CC2D2B: variants seen among roughly 807,000 people sequenced by gnomAD.
The protein encoded by CC2D2B is coiled-coil and C2 domain containing 2B.
CC2D2B carries 128 observed loss-of-function variants against 161.2 expected under a neutral mutation model. The observed-to-expected ratio is 0.79, with a 90% confidence interval of 0.69 to 0.92. CC2D2B has a LOEUF of 0.92. Among genes scored for constraint, CC2D2B ranks in the 40% least tolerant of loss-of-function variants. CC2D2B has a pLI of 0.00. For synonymous variants in CC2D2B, 391 were observed against 449.8 expected, an observed-to-expected ratio of 0.87 and a Z score of 1.65; for missense variants, 1,173 against 1,375.1, an observed-to-expected ratio of 0.85 and a Z score of 2.32.
At chr10:95,927,454 C>A (rs1233985638) in intron 6 of CC2D2B, 122 bp downstream of exon 6, 1 of 627,676 alleles carries the variant, frequency 1.6e-6, no homozygotes, top group East Asian at 2.8e-5. Flanking sequence ...TTCATCTTCT[C>A]TTTGAATTAA....
intron 7 of CC2D2B, 39 bp downstream of exon 7, chr10:95,938,228 G>A (rs1404774708): frequency 7.6e-6 from 10 of 1,307,654 alleles, no homozygotes; most frequent in African/African-American, 1.5e-5. Flanking sequence ...AGTCATTAAC[G>A]AATTATGTTA....
chr10:95,916,771 A>C (rs2098517133), intron 2 of CC2D2B, among the ~76,000 whole-genome samples: 1 of 152,136 alleles, frequency 6.6e-6, no homozygotes, highest in African/African-American at 2.4e-5. Context: ...ATGATTTCAA[A>C]GTTTTTGAAT....
At chr10:95,995,181 C>A in intron 22 of CC2D2B, 88 bp from the exon 23 acceptor site, 1 of 624,718 alleles carries the variant, frequency 1.6e-6, no homozygotes, top group Non-Finnish European at 2.7e-6. Context: ...TATATATCTT[C>A]ATAAGCACAG....
Position 95,968,853 on chromosome 10 carries a change from A to C in CC2D2B, c.1596A>C (p.Gln532His). The C allele has an allele frequency of 8.1e-7, 1 of 1,229,384 alleles. No homozygotes were observed. 76.2% of individuals were successfully genotyped at this position (1,229,384 alleles called of 1,614,324 possible). The change falls in exon 15 of 35, where the codon CAA (glutamine) becomes CAC (histidine). Residue 532 changes from glutamine (Q) to histidine (H), a missense_variant. Coordinates refer to ENST00000646931, the MANE Select transcript of CC2D2B (RefSeq NM_001349008.3). The part of the protein sequence containing the change: ...LQFDFKVMFQ[Q>H]IFNIQLMYWP... ...TTGATTTTAAAGTCATGTTTCAGCA[A>C]ATTTTCAATATTCAGTTAATGTATT...
At position 96,012,716 on chromosome 10, in the gene CC2D2B, C is replaced by T. The variant is rs1180129617; in HGVS notation, c.3413C>T (p.Ser1138Phe). ...CTTCTGGATATATTTCTTCACAATT[C>T]TAATGCAACATTTGTAAGTTATTAT... ...QQLLDIFLHN[S>F]NATFDLIARF... The change falls in exon 28 of 35, where the codon TCT becomes TTT. Residue 1138 changes from serine (S) to phenylalanine (F), a missense_variant. Physicochemically the swap from Ser to Phe is radical, Grantham distance 155. Around this residue, in one of 3 missense-constraint regions of CC2D2B, gnomAD observed 598 missense variants for 693.2 expected, o/e 0.86. Transcript: ENST00000646931. The T allele has an allele frequency of 6.3e-7, 1 of 1,577,988 alleles. No individual in the cohort carries two copies. The highest frequency in any genetic ancestry group is 8.7e-7 in the Non-Finnish European group (1 of 1,147,692).
At chr10:95,983,494 C>T (rs1315578068) in intron 18 of CC2D2B, 112 bp from the exon 19 acceptor site, 1 of 429,420 alleles carries the variant, frequency 2.3e-6, no homozygotes, top group South Asian at 1.3e-4. Context: ...TCAGTTGTTC[C>T]ATTTCCTACT....
chr10:95,980,459 A>C (rs1045294026), intron 17 of CC2D2B, among the ~76,000 whole-genome samples: 3 of 152,082 alleles, frequency 2.0e-5, no homozygotes, highest in African/African-American at 7.2e-5. Context: ...TAACGGGAAA[A>C]GTTTCTAATC....
intron 15 of CC2D2B, 105 bp downstream of exon 15, chr10:95,969,006 G>T: frequency 2.3e-6 from 1 of 434,966 alleles, no homozygotes; most frequent in Non-Finnish European, 3.8e-6. Context: ...TTGATGTTAA[G>T]AGATGGACTG....
chr10:95,935,978 G>T (rs186734326), intron 6 of CC2D2B, among the ~76,000 whole-genome samples: 1 of 152,084 alleles, frequency 6.6e-6, no homozygotes, highest in Non-Finnish European at 1.5e-5. Context: ...GATTAAATGG[G>T]TATCAAACTT....
chr10:95,988,076 G>A (rs932790204), intron 19 of CC2D2B, among the ~76,000 whole-genome samples, 174 bp from the exon 20 acceptor site: 2 of 152,168 alleles, frequency 1.3e-5, no homozygotes, highest in African/African-American at 4.8e-5. Flanking sequence ...TTAGAAACTG[G>A]TTTTTAGCCT....
chr10:95,927,200 A>G, intron 5 of CC2D2B, 37 bp from the exon 6 acceptor site: 1 of 1,159,480 alleles, frequency 8.6e-7, no homozygotes, highest in South Asian at 1.4e-5. Flanking sequence ...AAGCAGAAAA[A>G]GTGTTTATTT....
intron 32 of CC2D2B, 115 bp from the exon 33 acceptor site, chr10:96,024,738 T>C (rs1364653645): frequency 5.5e-6 from 3 of 545,386 alleles, no homozygotes; most frequent in Non-Finnish European, 1.0e-5. Context: ...GAATTGAGTG[T>C]TTTTGCCACA....
At chr10:95,924,932 T>C (rs1244040737) in intron 5 of CC2D2B, 88 bp downstream of exon 5, 3 of 741,694 alleles carry the variant, frequency 4.0e-6, no homozygotes, top group Non-Finnish European at 6.8e-6. Flanking sequence ...TTAAAGTGTA[T>C]ATGACTCAAT....
Position 95,983,626 on chromosome 10 carries a change from G to A in CC2D2B, c.2103G>A (p.Gln701=). 1 of 1,231,098 alleles carries A rather than the reference G, an allele frequency of 8.1e-7. No individual in the cohort carries two copies. Among genetic ancestry groups the A allele is most frequent in the Non-Finnish European group, 1.0e-6 (1 of 987,120 alleles). 76.3% of individuals were successfully genotyped at this position (1,231,098 alleles called of 1,614,324 possible). Residue 701 remains glutamine (Q), a synonymous_variant, in exon 19 of 35, where the codon CAG becomes CAA. Transcript: ENST00000646931. The part of the protein sequence containing the change: ...ESVTYMRLKG[Q]DIPKYFRLEQ... ...TACAGTACATGAGACTTAAGGGGCAGGATATTCCAAAGTATTTTCGTCTTG... is the reference window on the plus strand; with the variant it reads ...TACAGTACATGAGACTTAAGGGGCAAGATATTCCAAAGTATTTTCGTCTTG...
At chr10:95,956,616 C>T (rs1000142164) in intron 11 of CC2D2B, among the ~76,000 whole-genome samples, 15 of 152,108 alleles carry the variant, frequency 9.9e-5, no homozygotes, top group African/African-American at 3.6e-4. Context: ...ACCCAGACAA[C>T]AGTTGTACTA....
intron 6 of CC2D2B, among the ~76,000 whole-genome samples, chr10:95,934,414 C>T (rs1241189977): frequency 1.3e-5 from 2 of 150,132 alleles, no homozygotes; most frequent in African/African-American, 4.9e-5. Flanking sequence ...GTCTTGTTGG[C>T]GTTCCAGGCA....
intron 24 of CC2D2B, chr10:96,000,768 T>G (rs2078456980): frequency 6.6e-6 from 1 of 152,218 alleles, no homozygotes; most frequent in Admixed American, 6.5e-5. Context: ...ACTTTTCATT[T>G]TCTTTATGAT....
intron 24 of CC2D2B, among the ~76,000 whole-genome samples, chr10:96,003,586 TTGTGTGTGTGTG>T (rs68085058): frequency 5.2e-4 from 66 of 127,726 alleles, no homozygotes; most frequent in East Asian, 1.5e-3. Flanking sequence ...GCCCGGCTAA[TTGTGTGTGTGTG>T]TGTGTGTGTG....
In CC2D2B at chr10:95,938,664, A is replaced by T. The variant is rs1311866162; in HGVS notation, c.631A>T (p.Thr211Ser). Residue 211 changes from threonine (T) to serine (S), a missense_variant, in exon 8 of 35, where the codon ACC (threonine) becomes TCC (serine). By Grantham distance (58) the Thr-to-Ser change is moderately conservative. Coordinates refer to ENST00000646931, the MANE Select transcript of CC2D2B (RefSeq NM_001349008.3). ...GAGAAAGCCAGAAATATACAAAAAG[A>T]CCTGCAACAAAATGGAAAATCGCCT... ...IQRKPEIYKK[T>S]CNKMENRLLK... The T allele has an allele frequency of 1.4e-6, 1 of 714,126 alleles. No individual in the cohort carries two copies. The highest frequency in any genetic ancestry group is 2.6e-6 in the Non-Finnish European group (1 of 384,026). 44.2% of individuals were successfully genotyped at this position (714,126 alleles called of 1,614,324 possible).
Sources: allele counts gnomAD v4.1 joint callset (sites outside exome capture counted in the v4.1 genomes callset), GRCh38; gene constraint gnomAD v4.1.1; regional missense constraint gnomAD v4.1.1; transcripts MANE v1.5; gene names NCBI Gene and HGNC (gene_info 2026-07-23, HGNC 2026-07-21).